The following SLC35E2B variants were observed in gnomAD, a reference collection of about 807,000 sequenced individuals.
SLC35E2B encodes the protein solute carrier family 35 member E2B, also known as solute carrier family 35, member E2B.
SLC35E2B carries 18 observed loss-of-function variants against 32.4 expected under a neutral mutation model. The ratio of observed to expected loss-of-function variants is 0.56; its 90% CI spans 0.38 to 0.82. The LOEUF (loss-of-function observed/expected upper bound fraction) is 0.82, where lower values mean the gene tolerates loss of function less well. Among genes scored for constraint, SLC35E2B ranks in the 40% least tolerant of loss-of-function variants. SLC35E2B has a pLI of 0.00. For missense variants in SLC35E2B, 263 were observed against 469.5 expected, an observed-to-expected ratio of 0.56 and a Z score of 4.06; for synonymous variants, 132 against 209.1, an observed-to-expected ratio of 0.63 and a Z score of 3.18.
At chr1:1,673,357 C>T in intron 5 of SLC35E2B, 1 of 461,648 alleles carries the variant, frequency 2.2e-6, no homozygotes, top group South Asian at 1.6e-5. Context: ...GTGAGGGAAA[C>T]TGAAGTTGGT....
intron 4 of SLC35E2B, 76 bp from the exon 5 acceptor site, chr1:1,675,666 GGCTC>G: frequency 7.5e-7 from 1 of 1,332,098 alleles, no homozygotes; most frequent in Non-Finnish European, 1.0e-6. Flanking sequence ...CTCTCCAAGG[GGCTC>G]GCTCGCTCGG....
chr1:1,682,345 A>G (rs1276697248), intron 2 of SLC35E2B, among the ~76,000 whole-genome samples: 1 of 152,172 alleles, frequency 6.6e-6, no homozygotes, highest in Non-Finnish European at 1.5e-5. Context: ...TGTTAGTAGC[A>G]AAACAAGACA....
intron 5 of SLC35E2B, among the ~76,000 whole-genome samples, chr1:1,674,636 A>AC (rs201178265): frequency 1.3e-3 from 193 of 150,582 alleles, no homozygotes; most frequent in East Asian, 4.8e-3. Flanking sequence ...AAAAAAACAA[A>AC]AAAAAAAAAA....
At chr1:1,666,601 G>C (rs1643551306) in intron 9 of SLC35E2B, among the ~76,000 whole-genome samples, 1 of 152,194 alleles carries the variant, frequency 6.6e-6, no homozygotes, top group African/African-American at 2.4e-5. Context: ...TAAAGAACAA[G>C]AACATCACCG....
At position 1,674,255 on chromosome 1, in the gene SLC35E2B, G is replaced by C. The variant is rs375524789; in HGVS notation, c.586+1208C>G. The C allele has an allele frequency of 1.9e-5, 3 of 157,758 alleles. No individual in the cohort carries two copies. In the South Asian group the frequency reaches 5.6e-4, roughly 29 times the overall value. 9.8% of individuals were successfully genotyped at this position (157,758 alleles called of 1,614,324 possible). A position where few individuals can be genotyped will look rare whatever the true frequency, so the allele number is the denominator to read the frequency against. On this transcript the variant is annotated intron_variant, in intron 5 of 9. Coordinates refer to ENST00000617444, the MANE Select transcript of SLC35E2B (RefSeq NM_001290264.2). ...GGTGAAATTGTGGGCAGGAGAATCG[G>C]CGTGAAATGGACACAGCAGCTCACA... is the stretch of plus-strand genomic sequence containing the variant.
Position 1,688,004 on chromosome 1 carries a change from AGAGGAGCGGT to A in SLC35E2B, c.-148+2962_-148+2971del, listed in dbSNP as rs1407678865. 3.9e-5 allele frequency among the ~76,000 whole-genome samples: 6 copies of A among 152,244 alleles called. No individual in the cohort carries two copies. The East Asian group carries it at 1.2e-3, about 29-fold the overall frequency. On this transcript the variant is annotated intron_variant, in intron 2 of 9. Transcript: ENST00000617444. ...CTCGGGCTGTGGTGGGAAAGACACCAGAGGAGCGGTCATGTTGGCTGCGCCGAAAGTTTGT... is the reference window on the plus strand; with the variant it reads ...CTCGGGCTGTGGTGGGAAAGACACCACATGTTGGCTGCGCCGAAAGTTTGT...
chr1:1,668,608 C>T (rs988738506), intron 8 of SLC35E2B, 136 bp from the exon 9 acceptor site: 104 of 1,533,848 alleles, frequency 6.8e-5, no homozygotes, highest in Non-Finnish European at 8.5e-5. Context: ...GAAAATGCCT[C>T]GAGCGGACAG....
chr1:1,685,924 C>T lies in SLC35E2B; in HGVS notation c.-148+5052G>A, dbSNP rs1457728759. Among the ~76,000 whole-genome samples, 9 of 152,174 alleles carry T rather than the reference C, an allele frequency of 5.9e-5. 1 individual carries two copies. Among genetic ancestry groups the T allele is most frequent in the African/African-American group, 1.4e-4 (6 of 41,436 alleles). ...TCAGCTCACTGCAACCTCTACCTCCCGGGTTCAAGTGATTCTCCTGCCTCA... is the reference window on the plus strand; with the variant it reads ...TCAGCTCACTGCAACCTCTACCTCCTGGGTTCAAGTGATTCTCCTGCCTCA... On this transcript the variant is annotated intron_variant, in intron 2 of 9. Coordinates refer to ENST00000617444, the MANE Select transcript of SLC35E2B (RefSeq NM_001290264.2).
chr1:1,687,466 G>A (rs1643966067), intron 2 of SLC35E2B, among the ~76,000 whole-genome samples: 1 of 152,088 alleles, frequency 6.6e-6, no homozygotes, highest in East Asian at 1.9e-4. Context: ...TAGGCCGGGC[G>A]TGGTGGCTCA....
intron 9 of SLC35E2B, 42 bp from the exon 10 acceptor site, chr1:1,666,061 G>A: frequency 1.3e-6 from 2 of 1,529,070 alleles, no homozygotes; most frequent in Non-Finnish European, 1.8e-6. Flanking sequence ...TCAGGGCTAT[G>A]GTCTCCTCAG....
In SLC35E2B at chr1:1,665,741, G is replaced by A. The variant is rs1394738566; in HGVS notation, c.*41C>T. On this transcript the variant is annotated 3_prime_UTR_variant, in exon 10 of 10. Transcript: ENST00000617444. ...GCGTCCCTGCCCATTTCTGGGGGAT[G>A]CAGTGTCACGAGGACAGCAGCAGCT... is the stretch of plus-strand genomic sequence containing the variant. The A allele has an allele frequency of 4.5e-6, 7 of 1,541,960 alleles. No homozygotes were observed. Among genetic ancestry groups the A allele is most frequent in the Non-Finnish European group, 6.1e-6 (7 of 1,140,864 alleles).
chr1:1,687,136 G>C (rs1317411055), intron 2 of SLC35E2B, among the ~76,000 whole-genome samples: 3 of 152,186 alleles, frequency 2.0e-5, no homozygotes, highest in Non-Finnish European at 2.9e-5. Flanking sequence ...TGAGGGTGCT[G>C]TCGGGCCCGA....
intron 2 of SLC35E2B, among the ~76,000 whole-genome samples, chr1:1,689,219 G>T (rs974524686): frequency 6.6e-6 from 1 of 152,054 alleles, no homozygotes; most frequent in Admixed American, 6.5e-5. Context: ...GAGGCACCAC[G>T]AGTTGCTGAA....
Position 1,692,535 on chromosome 1 carries a change from G to T in SLC35E2B, c.-652C>A, listed in dbSNP as rs115302719. The T allele has an allele frequency of 0.014, 13,264 of 981,332 alleles. 140 individuals carry two copies. In the African/African-American group the frequency reaches 0.14, roughly 10 times the overall value. The allele number at this position is 981,332 out of a possible 1,614,324, so 60.8% of individuals were successfully genotyped here. A position where few individuals can be genotyped will look rare whatever the true frequency, so the allele number is the denominator to read the frequency against. ...AGGGACGCTGGCGGGCGGGGCCTGA[G>T]AGGCGCGCGGTGGAGGGGCCGGGCG... On this transcript the variant is annotated 5_prime_UTR_variant, in exon 1 of 10. Transcript: ENST00000617444.
chr1:1,662,560 T>A lies in SLC35E2B; in HGVS notation c.*3222A>T. 1.2e-6 allele frequency: 1 copy of A among 834,482 alleles called. No individual in the cohort carries two copies. The highest frequency in any genetic ancestry group is 5.9e-4 in the Middle Eastern group (1 of 1,682). The allele number at this position is 834,482 out of a possible 1,614,324, so 51.7% of individuals were successfully genotyped here. ...TTTAAAATGACTGTCTGACTCACCATGGTAATTTTTCACAAATTAAAGACA... is the reference window on the plus strand; with the variant it reads ...TTTAAAATGACTGTCTGACTCACCAAGGTAATTTTTCACAAATTAAAGACA... On this transcript the variant is annotated 3_prime_UTR_variant, in exon 10 of 10. Transcript: ENST00000617444.
rs370951669 is a variant in SLC35E2B at position 1,668,970 on chromosome 1, A to G, written c.835-498T>C. Among the ~76,000 whole-genome samples the G allele has an allele frequency of 3.3e-3, 497 of 149,988 alleles. 2 individuals carry two copies. Among genetic ancestry groups the G allele is most frequent in the African/African-American group, 0.012 (478 of 40,740 alleles). On this transcript the variant is annotated intron_variant, in intron 8 of 9. Coordinates refer to ENST00000617444, the MANE Select transcript of SLC35E2B (RefSeq NM_001290264.2). ...CGCACCACTGTACCCCAGCCTGGGC[A>G]ACAGAGTGAGATATCATCTCCAAAA...
At chr1:1,666,918 C>A (rs1276301967) in intron 9 of SLC35E2B, among the ~76,000 whole-genome samples, 2 of 151,388 alleles carry the variant, frequency 1.3e-5, no homozygotes, top group Admixed American at 6.6e-5. Context: ...CCAGCCTGGC[C>A]AATATGGTGA....
In SLC35E2B at chr1:1,692,616, G is replaced by C. The variant is rs1220517071; in HGVS notation, c.-733C>G. 1.0e-6 allele frequency: 1 copy of C among 983,352 alleles called. No individual in the cohort carries two copies. The highest frequency in any genetic ancestry group is 1.1e-4 in the East Asian group (1 of 8,772). The allele number at this position is 983,352 out of a possible 1,614,324, so 60.9% of individuals were successfully genotyped here. ...ACTGGGGAGTGGCACAGCGCTGGCG[G>C]ATCCAGGTGGGCTTCACGGGGCGCC... On this transcript the variant is annotated 5_prime_UTR_variant, in exon 1 of 10. It adds an upstream start codon to the 5' untranslated region. Transcript: ENST00000617444.
At chr1:1,686,174 T>C (rs973620979) in intron 2 of SLC35E2B, among the ~76,000 whole-genome samples, 1 of 152,064 alleles carries the variant, frequency 6.6e-6, no homozygotes, top group African/African-American at 2.4e-5. Context: ...CCTGCTGATT[T>C]TGTATTTTTA....
Sources: allele counts gnomAD v4.1 joint callset (sites outside exome capture counted in the v4.1 genomes callset), GRCh38; gene constraint gnomAD v4.1.1; transcripts MANE v1.5; gene names NCBI Gene and HGNC (gene_info 2026-07-23, HGNC 2026-07-21).